The following RBAK variants were observed in gnomAD, a reference collection of about 807,000 sequenced individuals.
RBAK encodes the protein RB-associated KRAB zinc finger protein.
In RBAK, 39 loss-of-function variants were observed where a neutral mutation model predicts 65.8. The ratio of observed to expected loss-of-function variants is 0.59; its 90% CI spans 0.46 to 0.77. The LOEUF is 0.77. Among genes scored for constraint, RBAK ranks in the 30% least tolerant of loss-of-function variants. RBAK has a pLI of 0.00. For missense variants in RBAK, 884 were observed against 855.1 expected, an observed-to-expected ratio of 1.03 and a Z score of -0.42; for synonymous variants, 343 against 289.7, an observed-to-expected ratio of 1.18 and a Z score of -1.87.
At chr7:5,047,601 CTTTTTTT>C (rs1037439035) in intron 1 of RBAK, among the ~76,000 whole-genome samples, 11 of 100,916 alleles carry the variant, frequency 1.1e-4, no homozygotes, top group South Asian at 3.3e-4. Context: ...TTTTCACTCT[CTTTTTTT>C]TTTTTTTTTT....
At chr7:5,055,236 T>G (rs1268903204) in intron 2 of RBAK, among the ~76,000 whole-genome samples, 1 of 147,052 alleles carries the variant, frequency 6.8e-6, no homozygotes, top group African/African-American at 2.6e-5. Context: ...CCGAGAAGAC[T>G]GAGGCATAAA....
intron 2 of RBAK, among the ~76,000 whole-genome samples, chr7:5,049,646 G>C (rs1788071747): frequency 1.3e-5 from 2 of 152,106 alleles, no homozygotes; most frequent in Admixed American, 1.3e-4. Context: ...TCTTTTCTTG[G>C]CTTTTAAAAA....
rs140300854 is a variant in RBAK, at chr7:5,050,924, T to C, written c.15+2833T>C. ...GTTCTCTATTTGGTTATGTAATTCA[T>C]GCAGGAAAGACAGTTTCTAAAATGT... On this transcript the variant is annotated intron_variant, in intron 2 of 4. Transcript: ENST00000396912. 1.3e-3 allele frequency among the ~76,000 whole-genome samples: 202 copies of C among 152,356 alleles called. 1 individual carries two copies. The highest frequency in any genetic ancestry group is 4.6e-3 in the African/African-American group (192 of 41,588).
intron 2 of RBAK, among the ~76,000 whole-genome samples, chr7:5,055,348 T>A (rs1385749929): frequency 6.6e-6 from 1 of 152,138 alleles, no homozygotes; most frequent in Non-Finnish European, 1.5e-5. Context: ...ATATGTCACA[T>A]ATATATCATA....
intron 4 of RBAK, among the ~76,000 whole-genome samples, chr7:5,058,425 A>G (rs1332947787): frequency 6.6e-6 from 1 of 152,150 alleles, no homozygotes; most frequent in Non-Finnish European, 1.5e-5. Context: ...AATCAACTTG[A>G]GACTTTTATG....
chr7:5,049,081 G>A (rs1213302005), intron 2 of RBAK, among the ~76,000 whole-genome samples: 7 of 152,218 alleles, frequency 4.6e-5, no homozygotes, highest in Non-Finnish European at 7.3e-5. Flanking sequence ...ATTATAAGGA[G>A]AAACCAACTT....
chr7:5,059,535 A>G (rs1286039391), intron 4 of RBAK, among the ~76,000 whole-genome samples: 1 of 152,104 alleles, frequency 6.6e-6, no homozygotes, highest in East Asian at 1.9e-4. Context: ...CATACAATTT[A>G]CCATCATAAC....
intron 2 of RBAK, among the ~76,000 whole-genome samples, chr7:5,053,396 C>T (rs1407240960): frequency 6.6e-6 from 1 of 151,788 alleles, no homozygotes; most frequent in African/African-American, 2.4e-5. Context: ...TTTTTCTTTC[C>T]CCCCTTATGT....
chr7:5,061,831 G>C (rs925935076), intron 4 of RBAK, among the ~76,000 whole-genome samples: 30 of 152,034 alleles, frequency 2.0e-4, no homozygotes, highest in African/African-American at 7.0e-4. Flanking sequence ...CTGAGAAGTG[G>C]AGGTTGCAGT....
In RBAK at chr7:5,057,073, T is replaced by TA. The variant is rs953440813; in HGVS notation, c.16-222_16-221insA. ...ATTTTTGTGGGGCAATATATATATA[T>TA]TTTTTATATATATTATATATATTTA... On this transcript the variant is annotated intron_variant, in intron 2 of 4. Coordinates refer to ENST00000396912, the MANE Select transcript of RBAK (RefSeq NM_021163.4). 494 of 208,612 alleles carry TA rather than the reference T, an allele frequency of 2.4e-3. 2 individuals are homozygous for TA. Among genetic ancestry groups the TA allele is most frequent in the African/African-American group, 0.011 (467 of 41,826 alleles). The allele number at this position is 208,612 out of a possible 1,614,324, so 12.9% of individuals were successfully genotyped here.
chr7:5,055,861 C>T (rs1283497086), intron 2 of RBAK, among the ~76,000 whole-genome samples: 1 of 152,060 alleles, frequency 6.6e-6, no homozygotes, highest in South Asian at 2.1e-4. Context: ...TTTCTCAGCC[C>T]ACAGCCTAGC....
At chr7:5,052,370 G>A (rs1788134902) in intron 2 of RBAK, among the ~76,000 whole-genome samples, 1 of 152,122 alleles carries the variant, frequency 6.6e-6, no homozygotes. Flanking sequence ...GATAAAACTA[G>A]TTAGGTTATA....
chr7:5,045,945 C>A lies in RBAK; in HGVS notation c.-496C>A. On this transcript the variant is annotated 5_prime_UTR_variant, in exon 1 of 5. It adds an upstream start codon to the 5' untranslated region. Coordinates refer to ENST00000396912, the MANE Select transcript of RBAK (RefSeq NM_021163.4). ...CTCCAGTGGACGAGAATCGCGGAGC[C>A]TGCGGGGCTGGAGGTTGAGCGCCCG... The A allele has an allele frequency of 9.0e-6, 3 of 334,226 alleles. No homozygotes were observed. Among genetic ancestry groups the A allele is most frequent in the South Asian group, 4.5e-5 (2 of 44,706 alleles). The allele number at this position is 334,226 out of a possible 1,614,324, so 20.7% of individuals were successfully genotyped here. A position where few individuals can be genotyped will look rare whatever the true frequency, so the allele number is the denominator to read the frequency against.
In RBAK at chr7:5,061,711, A is replaced by C. The variant is rs1779077266; in HGVS notation, c.239-1984A>C. Among the ~76,000 whole-genome samples, 7 of 151,670 alleles carry C rather than the reference A, an allele frequency of 4.6e-5. No individual in the cohort carries two copies. In the South Asian group the frequency reaches 1.5e-3, roughly 32 times the overall value. ...TCAAGAGTTCAAGACCAGTCTGGGC[A>C]ACATGGTGAAGCCCTATCTCTACTA... On this transcript the variant is annotated intron_variant, in intron 4 of 4. Transcript: ENST00000396912.
At chr7:5,062,986 T>G (rs746256898) in intron 4 of RBAK, among the ~76,000 whole-genome samples, 1 of 152,226 alleles carries the variant, frequency 6.6e-6, no homozygotes, top group Non-Finnish European at 1.5e-5. Context: ...TGCTCTACAA[T>G]TTGTGCAGTT....
chr7:5,065,128 TATAGA>T lies in RBAK; in HGVS notation c.1674_1678del (p.Tyr558Ter), dbSNP rs1779185624. 9 of 1,613,700 alleles carry T rather than the reference TATAGA, an allele frequency of 5.6e-6. No individual in the cohort carries two copies. The highest frequency in any genetic ancestry group is 7.6e-6 in the Non-Finnish European group (9 of 1,179,926). On this transcript the variant is annotated frameshift_variant, in exon 5 of 5. Transcript: ENST00000396912. LOFTEE classifies it high-confidence loss of function. This position sits in a 1 kb window ranked among gnomAD's most constrained non-coding sequence, Gnocchi z 5.3. ...TGAGTTGTCATACTATACTGAACATTATAGAAGTCATTCAGAAGAGAAACCTTATG... is the reference window on the plus strand; with the variant it reads ...TGAGTTGTCATACTATACTGAACATTAGTCATTCAGAAGAGAAACCTTATG...
At chr7:5,054,443 T>C (rs1323046515) in intron 2 of RBAK, among the ~76,000 whole-genome samples, 2 of 151,726 alleles carry the variant, frequency 1.3e-5, no homozygotes, top group Non-Finnish European at 2.9e-5. Context: ...ATATATGTTC[T>C]CCGTTTTATT....
chr7:5,067,458 C>T lies in RBAK; in HGVS notation c.*1857C>T, dbSNP rs1779248441. ...GTTAATATGCTTTGAAGAACTGTAT[C>T]CAGAAAATAAAATTACAAAGGAGGA... On this transcript the variant is annotated 3_prime_UTR_variant, in exon 5 of 5. Transcript: ENST00000396912. 1.3e-5 allele frequency: 2 copies of T among 152,022 alleles called. No individual in the cohort carries two copies. Among genetic ancestry groups the T allele is most frequent in the African/African-American group, 4.8e-5 (2 of 41,388 alleles). The allele number at this position is 152,022 out of a possible 1,614,324, so 9.4% of individuals were successfully genotyped here. A position where few individuals can be genotyped will look rare whatever the true frequency, so the allele number is the denominator to read the frequency against.
rs1322856084 is a variant in RBAK at position 5,069,293 on chromosome 7, G to C, written c.*3692G>C. The C allele has an allele frequency of 6.6e-6, 1 of 152,180 alleles. No individual in the cohort carries two copies. The highest frequency in any genetic ancestry group is 1.9e-4 in the East Asian group (1 of 5,202). 9.4% of individuals were successfully genotyped at this position (152,180 alleles called of 1,614,324 possible). ...TCTGTGCAGGAAATACATATTTATAGTAATTTTGATGGCAACTACTAAGAT... is the reference window on the plus strand; with the variant it reads ...TCTGTGCAGGAAATACATATTTATACTAATTTTGATGGCAACTACTAAGAT... On this transcript the variant is annotated 3_prime_UTR_variant, in exon 5 of 5. Coordinates refer to ENST00000396912, the MANE Select transcript of RBAK (RefSeq NM_021163.4).
Sources: gnomAD v4.1 joint callset for allele counts (sites outside exome capture counted in the v4.1 genomes callset) on GRCh38, gnomAD v4.1.1 for gene constraint, Gnocchi (gnomAD v3.1) non-coding constraint, MANE v1.5 for transcripts, NCBI Gene and HGNC (gene_info 2026-07-23, HGNC 2026-07-21) for gene names.